The following KIFAP3 variants were observed in gnomAD, a reference collection of about 807,000 sequenced individuals.
KIFAP3 encodes the protein kinesin associated protein 3.
A neutral mutation model predicts 106.5 loss-of-function variants in KIFAP3; 68 were observed. That is an observed-to-expected ratio of 0.64 (90% CI 0.53 to 0.78). The LOEUF is 0.78. Among genes scored for constraint, KIFAP3 ranks in the 30% least tolerant of loss-of-function variants. KIFAP3 has a pLI of 0.00. For synonymous variants in KIFAP3, 320 were observed against 311.5 expected, an observed-to-expected ratio of 1.03 and a Z score of -0.29; for missense variants, 780 against 941.8, an observed-to-expected ratio of 0.83 and a Z score of 2.25.
rs1667049165 is a variant in KIFAP3, at chr1:169,990,704, T to C, written c.1284+1451A>G. Among the ~76,000 whole-genome samples the C allele has an allele frequency of 2.6e-5, 4 of 152,068 alleles. No individual in the cohort carries two copies. The South Asian group carries it at 8.3e-4, about 32-fold the overall frequency. On this transcript the variant is annotated intron_variant, in intron 11 of 19. Transcript: ENST00000361580. ...GTTATGATGTACAGAATCTCTACCC[T>C]TATAACATACAGTCCATGTTACAAA... is the stretch of plus-strand genomic sequence containing the variant.
intron 5 of KIFAP3, among the ~76,000 whole-genome samples, chr1:170,036,812 T>G (rs565125779): frequency 3.7e-4 from 57 of 152,262 alleles, no homozygotes; most frequent in African/African-American, 1.3e-3. Context: ...ACATCTCAAT[T>G]AAAATATAGT....
chr1:169,942,434 A>C (rs1664176498), intron 19 of KIFAP3, among the ~76,000 whole-genome samples: 1 of 152,214 alleles, frequency 6.6e-6, no homozygotes, highest in Non-Finnish European at 1.5e-5. Context: ...TCTTTCTTCC[A>C]AGTTTGGCCT....
chr1:169,954,078 G>C lies in KIFAP3; in HGVS notation c.2206C>G (p.Pro736Ala). ...GLIASEGAIS[P>A]DFFNDYHLQN... ...AGGTGGTAATCATTGAAGAAATCGG[G>C]ACTTATGGCTCCTTCAGAGGCAATT... Residue 736 changes from proline to alanine, a missense_variant, in exon 19 of 20, where the codon CCC (proline) becomes GCC (alanine). Pro to Ala is a conservative substitution (Grantham distance 27). Coordinates refer to ENST00000361580, the MANE Select transcript of KIFAP3 (RefSeq NM_014970.4). The C allele has an allele frequency of 6.2e-7, 1 of 1,612,746 alleles. No individual in the cohort carries two copies. The highest frequency in any genetic ancestry group is 8.5e-7 in the Non-Finnish European group (1 of 1,179,104).
intron 10 of KIFAP3, among the ~76,000 whole-genome samples, chr1:170,011,452 C>T (rs1668237647): frequency 6.6e-6 from 1 of 150,634 alleles, no homozygotes; most frequent in South Asian, 2.1e-4. Context: ...GTTTTGTGAA[C>T]ATTTTTGTTT....
At chr1:169,948,435 G>C (rs1334872083) in intron 19 of KIFAP3, among the ~76,000 whole-genome samples, 1 of 151,662 alleles carries the variant, frequency 6.6e-6, no homozygotes, top group Non-Finnish European at 1.5e-5. Context: ...GTAAAAAAAA[G>C]TAATAACACA....
chr1:170,078,876 T>A (rs949037189), upstream of KIFAP3, among the ~76,000 whole-genome samples: 1 of 152,202 alleles, frequency 6.6e-6, no homozygotes, highest in Non-Finnish European at 1.5e-5. Context: ...ATATCCTTAG[T>A]GAACATATGT....
At position 169,982,783 on chromosome 1, in the gene KIFAP3, A is replaced by C. The variant is rs1404514406; in HGVS notation, c.1591T>G (p.Leu531Val). Residue 531 changes from leucine to valine, a missense_variant, in exon 14 of 20, where the codon TTG becomes GTG. Physicochemically the swap from Leu to Val is conservative, Grantham distance 32. Transcript: ENST00000361580. ...TCCCAGTCTAAGTCTGGAATGGTCA[A>C]GTTTGCAAGAGTTCCCAAACATTCA... ...VIECLGTLANLTIPDLDWELV... is the reference protein window; with the variant it reads ...VIECLGTLANVTIPDLDWELV... 1.2e-6 allele frequency: 2 copies of C among 1,609,274 alleles called. No homozygotes were observed. The highest frequency in any genetic ancestry group is 4.5e-5 in the East Asian group (2 of 44,686).
intron 1 of KIFAP3, among the ~76,000 whole-genome samples, chr1:170,062,122 C>G (rs1396030262): frequency 6.6e-6 from 1 of 151,478 alleles, no homozygotes; most frequent in African/African-American, 2.4e-5. Flanking sequence ...TGTAACAAAC[C>G]TGCACGTTGT....
chr1:169,924,557 A>T (rs1663020970), intron 19 of KIFAP3, among the ~76,000 whole-genome samples: 1 of 152,134 alleles, frequency 6.6e-6, no homozygotes, highest in African/African-American at 2.4e-5. Context: ...TATTATGAAA[A>T]ATCAACTATA....
chr1:169,948,881 C>T (rs894522776), intron 19 of KIFAP3, among the ~76,000 whole-genome samples: 4 of 151,788 alleles, frequency 2.6e-5, no homozygotes, highest in African/African-American at 7.3e-5. Context: ...CTGCACAATG[C>T]CTTTTAGACA....
At chr1:170,058,603 A>G (rs1481907134) in intron 1 of KIFAP3, among the ~76,000 whole-genome samples, 4 of 152,178 alleles carry the variant, frequency 2.6e-5, no homozygotes, top group South Asian at 4.1e-4. Flanking sequence ...AGACACTAGC[A>G]GAAGCTTGAA....
intron 19 of KIFAP3, among the ~76,000 whole-genome samples, chr1:169,937,736 C>T (rs578261485): frequency 1.3e-5 from 2 of 151,904 alleles, no homozygotes; most frequent in East Asian, 1.9e-4. Context: ...AAAGTCATAA[C>T]CATCTTCTAA....
chr1:169,953,090 G>A (rs191940997), intron 19 of KIFAP3, among the ~76,000 whole-genome samples: 14 of 152,002 alleles, frequency 9.2e-5, no homozygotes, highest in African/African-American at 2.9e-4. Flanking sequence ...AAATGTCAAC[G>A]GTCAGCCTTA....
chr1:170,047,003 A>C (rs1218102892), intron 2 of KIFAP3, 137 bp from the exon 3 acceptor site: 6 of 435,010 alleles, frequency 1.4e-5, no homozygotes, highest in Non-Finnish European at 2.3e-5. Context: ...AAACTATTAG[A>C]TATAATTAGG....
intron 10 of KIFAP3, among the ~76,000 whole-genome samples, chr1:170,008,647 T>C (rs1358261138): frequency 6.6e-6 from 1 of 152,132 alleles, no homozygotes; most frequent in Non-Finnish European, 1.5e-5. Context: ...TGTGGAGAAA[T>C]AGGAACGCTT....
chr1:169,975,415 A>G (rs1437940298), intron 16 of KIFAP3, among the ~76,000 whole-genome samples: 1 of 152,100 alleles, frequency 6.6e-6, no homozygotes, highest in Non-Finnish European at 1.5e-5. Context: ...GGAATAAAAT[A>G]TTGCCTAATA....
At chr1:169,960,923 C>A in intron 18 of KIFAP3, 123 bp downstream of exon 18, 1 of 650,546 alleles carries the variant, frequency 1.5e-6, no homozygotes, top group Non-Finnish European at 2.5e-6. Flanking sequence ...CATCTAAAAT[C>A]ATTAGCAGAC....
At chr1:170,082,700 T>C (rs115476742) in intron 1 of KIFAP3, among the ~76,000 whole-genome samples, 11,766 of 152,228 alleles carry the variant, frequency 0.077, 467 homozygotes, top group Non-Finnish European at 0.094. Context: ...TGGCCGGGCA[T>C]GGTGGTTTAT....
At chr1:170,074,700 CG>C, upstream of KIFAP3, 1 of 1,403,760 alleles carries the variant, frequency 7.1e-7, no homozygotes, top group East Asian at 2.6e-5. Flanking sequence ...TCGCCTAAGC[CG>C]GGCCGTCACG....
Sources: gnomAD v4.1 joint callset for allele counts (sites outside exome capture counted in the v4.1 genomes callset) on GRCh38, gnomAD v4.1.1 for gene constraint, MANE v1.5 for transcripts, NCBI Gene and HGNC (gene_info 2026-07-23, HGNC 2026-07-21) for gene names.